EIF4B: variants seen among roughly 807,000 people sequenced by gnomAD.
EIF4B encodes the protein eukaryotic translation initiation factor 4B.
A neutral mutation model predicts 79.3 loss-of-function variants in EIF4B; 8 were observed. The ratio of observed to expected loss-of-function variants is 0.10; its 90% CI spans 0.06 to 0.18. The LOEUF (loss-of-function observed/expected upper bound fraction) is 0.18. Ranked by LOEUF, EIF4B falls within the 10% of genes least tolerant of loss-of-function variation. The probability of loss-of-function intolerance (pLI) is 1.00; values close to 1 mark genes in which losing one functional copy is unlikely to be tolerated. For missense variants in EIF4B, 515 were observed against 792.4 expected (o/e 0.65, Z 4.20); for synonymous variants, 238 against 274.7 (o/e 0.87, Z 1.32).
intron 1 of EIF4B, among the ~76,000 whole-genome samples, chr12:53,015,913 G>A (rs1943141754): frequency 1.3e-5 from 2 of 149,708 alleles, no homozygotes; most frequent in Non-Finnish European, 2.9e-5. Flanking sequence ...AGGAGGCAGG[G>A]GTTGCAGTGA....
intron 10 of EIF4B, among the ~76,000 whole-genome samples, chr12:53,035,878 C>T (rs1164360075): frequency 6.6e-6 from 1 of 151,172 alleles, no homozygotes; most frequent in Non-Finnish European, 1.5e-5. Context: ...AGTGCAGTGG[C>T]ACGATTTTGG....
intron 1 of EIF4B, among the ~76,000 whole-genome samples, chr12:53,015,629 C>T (rs1018630125): frequency 2.0e-5 from 3 of 151,146 alleles, no homozygotes; most frequent in Non-Finnish European, 2.9e-5. Flanking sequence ...TTCAGATAGC[C>T]GTGGCCACAC....
At chr12:53,028,253 T>C in intron 8 of EIF4B, 65 bp downstream of exon 8, 1 of 1,521,048 alleles carries the variant, frequency 6.6e-7, no homozygotes, top group Non-Finnish European at 8.8e-7. Flanking sequence ...AAATTTGTGA[T>C]TGTGTTACGA....
At chr12:53,022,206 C>T in intron 5 of EIF4B, 1 of 673,020 alleles carries the variant, frequency 1.5e-6, no homozygotes, top group South Asian at 1.5e-5. Flanking sequence ...GATTAGCTGC[C>T]TAACAGCACG....
intron 13 of EIF4B, 56 bp downstream of exon 13, chr12:53,039,399 A>G: frequency 7.0e-7 from 1 of 1,435,026 alleles, no homozygotes; most frequent in South Asian, 1.3e-5. Flanking sequence ...TGTAATTAAG[A>G]AATTAAGTTC....
At chr12:53,022,708 C>G in intron 6 of EIF4B, 81 bp downstream of exon 6, 5 of 1,499,022 alleles carry the variant, frequency 3.3e-6, no homozygotes, top group East Asian at 2.4e-5. Flanking sequence ...TACAGATGAT[C>G]AGATCACATT....
rs1361229023 is a variant in EIF4B, at chr12:53,032,569, TATTA to T, written c.980-1233_980-1230del. 4.6e-5 allele frequency among the ~76,000 whole-genome samples: 7 copies of T among 152,234 alleles called. No individual in the cohort carries two copies. In the East Asian group the frequency reaches 1.3e-3, roughly 29 times the overall value. ...CCATATAAAAGAAGTCTTGATAGAT[TATTA>T]ATTTATTACTTAAATGTTTACCATT... is the stretch of plus-strand genomic sequence containing the variant. On this transcript the variant is annotated intron_variant, in intron 8 of 14. Coordinates refer to ENST00000262056, the MANE Select transcript of EIF4B (RefSeq NM_001417.7).
chr12:53,006,954 G>C (rs535813194), intron 1 of EIF4B, among the ~76,000 whole-genome samples: 1 of 150,460 alleles, frequency 6.6e-6, no homozygotes, highest in Non-Finnish European at 1.5e-5. Flanking sequence ...AAGTGTGGTG[G>C]GGGGGAGCAG....
At chr12:53,026,450 G>A (rs1286041063) in intron 6 of EIF4B, among the ~76,000 whole-genome samples, 1 of 152,174 alleles carries the variant, frequency 6.6e-6, no homozygotes, top group Non-Finnish European at 1.5e-5. Context: ...ACATTGCAAT[G>A]AATGTCTTTG....
chr12:53,028,515 G>A lies in EIF4B; in HGVS notation c.979+327G>A, dbSNP rs557122440. 1.0e-4 allele frequency among the ~76,000 whole-genome samples: 15 copies of A among 149,390 alleles called. No individual in the cohort carries two copies. The South Asian group carries it at 2.1e-3, about 21-fold the overall frequency. ...GCTTGCAGTGAGTGGAGATGGCGCC[G>A]CTGCACTCCAGCCTGGGTGACAGAG... On this transcript the variant is annotated intron_variant, in intron 8 of 14. Coordinates refer to ENST00000262056, the MANE Select transcript of EIF4B (RefSeq NM_001417.7).
chr12:53,018,662 C>T, intron 2 of EIF4B, 136 bp from the exon 3 acceptor site: 2 of 849,376 alleles, frequency 2.4e-6, no homozygotes, highest in Non-Finnish European at 1.8e-6. Context: ...GCCCTTATTA[C>T]TGAACCCCCA....
At position 53,019,017 on chromosome 12, in the gene EIF4B, A is replaced by G; in HGVS notation, c.360+11A>G. 6.2e-7 allele frequency: 1 copy of G among 1,612,308 alleles called. No homozygotes were observed. Among genetic ancestry groups the G allele is most frequent in the Non-Finnish European group, 8.5e-7 (1 of 1,178,748 alleles). ...TTTCGAGGATTAAATGTAAGTGTAAAAGTTGTAATAATTAACTAGATATTG... is the reference window on the plus strand; with the variant it reads ...TTTCGAGGATTAAATGTAAGTGTAAGAGTTGTAATAATTAACTAGATATTG... On this transcript the variant is annotated intron_variant, in intron 3 of 14. Transcript: ENST00000262056.
At chr12:53,032,548 A>G (rs1943464619) in intron 8 of EIF4B, among the ~76,000 whole-genome samples, 1 of 152,226 alleles carries the variant, frequency 6.6e-6, no homozygotes, top group Admixed American at 6.5e-5. Context: ...TTCTTCCCAT[A>G]TAAAAGAAGT....
At chr12:53,019,033 C>A (rs1182485805) in intron 3 of EIF4B, 27 bp downstream of exon 3, 1 of 1,606,682 alleles carries the variant, frequency 6.2e-7, no homozygotes, top group African/African-American at 1.3e-5. Flanking sequence ...TAATAATTAA[C>A]TAGATATTGA....
At position 53,019,905 on chromosome 12, in the gene EIF4B, T is replaced by G; in HGVS notation, c.361-5T>G. On this transcript the variant is annotated splice_region_variant and splice_polypyrimidine_tract_variant and intron_variant, in intron 3 of 14. Coordinates refer to ENST00000262056, the MANE Select transcript of EIF4B (RefSeq NM_001417.7). ...AAACTTTGTTGTTGATTCTTATTCC[T>G]TCAGATCAGTGCAGTGCGTTTACCA... 6.2e-7 allele frequency: 1 copy of G among 1,606,866 alleles called. No individual in the cohort carries two copies. Among genetic ancestry groups the G allele is most frequent in the East Asian group, 2.2e-5 (1 of 44,734 alleles).
At chr12:53,012,952 G>C (rs1002757560) in intron 1 of EIF4B, among the ~76,000 whole-genome samples, 1 of 152,182 alleles carries the variant, frequency 6.6e-6, no homozygotes, top group Admixed American at 6.5e-5. Context: ...AATCAGAGGA[G>C]GGGGAGACTT....
At chr12:53,035,335 T>C (rs1475260924) in intron 10 of EIF4B, among the ~76,000 whole-genome samples, 1 of 151,790 alleles carries the variant, frequency 6.6e-6, no homozygotes, top group Non-Finnish European at 1.5e-5. Context: ...ACTGTAGGCA[T>C]GCACCACTAC....
At chr12:53,012,690 C>T (rs1390464805) in intron 1 of EIF4B, among the ~76,000 whole-genome samples, 1 of 150,908 alleles carries the variant, frequency 6.6e-6, no homozygotes, top group East Asian at 2.0e-4. Flanking sequence ...ACTGCAAGCT[C>T]CGCCTCCCGG....
chr12:53,033,890 C>G lies in EIF4B; in HGVS notation c.1064C>G (p.Thr355Ser). ...DDSSASTSQS[T>S]RAASIFGGAK... is the part of the protein sequence containing the mutation. The stretch of plus-strand genomic sequence containing the variant: ...TCCTCTGCTAGTACCTCCCAGTCCA[C>G]TCGAGCTGCTTCTATCTTTGGAGGG... Residue 355 changes from threonine to serine, a missense_variant, in exon 9 of 15, where the codon ACT (threonine) becomes AGT (serine). By Grantham distance (58) the Thr-to-Ser change is moderately conservative. Around this residue, in one of 6 missense-constraint regions of EIF4B, gnomAD observed 187 missense variants for 256.5 expected, o/e 0.73. Coordinates refer to ENST00000262056, the MANE Select transcript of EIF4B (RefSeq NM_001417.7). The G allele has an allele frequency of 1.9e-6, 3 of 1,614,110 alleles. No homozygotes were observed. Among genetic ancestry groups the G allele is most frequent in the Non-Finnish European group, 2.5e-6 (3 of 1,179,930 alleles).
Sources: gnomAD v4.1 joint callset for allele counts (sites outside exome capture counted in the v4.1 genomes callset) on GRCh38, gnomAD v4.1.1 for gene constraint, gnomAD v4.1.1 regional missense constraint, MANE v1.5 for transcripts, NCBI Gene and HGNC (gene_info 2026-07-23, HGNC 2026-07-21) for gene names.